The following PHC3 variants were observed in gnomAD, a reference collection of about 807,000 sequenced individuals.
PHC3 encodes polyhomeotic-like protein 3.
A neutral mutation model predicts 107.4 loss-of-function variants in PHC3; 13 were observed. The observed-to-expected ratio is 0.12, with a 90% confidence interval of 0.08 to 0.19. The LOEUF is 0.19. Ranked by LOEUF, PHC3 falls within the 10% of genes least tolerant of loss-of-function variation. The probability of loss-of-function intolerance (pLI) is 1.00; values close to 1 mark genes in which losing one functional copy is unlikely to be tolerated. For missense variants in PHC3, 992 were observed against 1,210.9 expected, an observed-to-expected ratio of 0.82 and a Z score of 2.68; for synonymous variants, 456 against 427.4, an observed-to-expected ratio of 1.07 and a Z score of -0.83.
At chr3:170,123,973 G>A (rs1210902120) in intron 8 of PHC3, among the ~76,000 whole-genome samples, 3 of 151,584 alleles carry the variant, frequency 2.0e-5, no homozygotes, top group East Asian at 2.0e-4. Flanking sequence ...CAGCCACCCC[G>A]AGTAGCTGGG....
chr3:170,171,359 T>A lies in PHC3; in HGVS notation c.414+14A>T. 1.3e-6 allele frequency: 2 copies of A among 1,556,842 alleles called. No individual in the cohort carries two copies. Among genetic ancestry groups the A allele is most frequent in the Non-Finnish European group, 1.7e-6 (2 of 1,149,442 alleles). ...AAATTTTAAATCCAGGAAAAAAAAA[T>A]TTAGGGAACTTACAGACGTTTGGGA... On this transcript the variant is annotated intron_variant, in intron 4 of 14. Transcript: ENST00000495893.
intron 6 of PHC3, among the ~76,000 whole-genome samples, chr3:170,144,341 CAAA>C (rs111991992): frequency 4.2e-5 from 5 of 119,580 alleles, no homozygotes; most frequent in African/African-American, 3.1e-5. Context: ...AACTCTGTCT[CAAA>C]AAAAAAAAAA....
At position 170,144,606 on chromosome 3, in the gene PHC3, T is replaced by A. The variant is rs562550748; in HGVS notation, c.672+817A>T. On this transcript the variant is annotated intron_variant, in intron 6 of 14. Coordinates refer to ENST00000495893, the MANE Select transcript of PHC3 (RefSeq NM_024947.4). ...CCATTTTACCCTCTCACCAGCAATG[T>A]ATGAGAGTCTGGATGCTCCACATTC... Among the ~76,000 whole-genome samples the A allele has an allele frequency of 2.6e-5, 4 of 152,350 alleles. No individual in the cohort carries two copies. In the South Asian group the frequency reaches 8.3e-4, roughly 32 times the overall value.
chr3:170,121,910 T>C lies in PHC3; in HGVS notation c.1942+681A>G, dbSNP rs546387478. ...AGAAGCCTGAAATGATAGGTTTTCATCTGGATGGTACTGAACAATTTATAA... is the reference window on the plus strand; with the variant it reads ...AGAAGCCTGAAATGATAGGTTTTCACCTGGATGGTACTGAACAATTTATAA... On this transcript the variant is annotated intron_variant, in intron 9 of 14. Transcript: ENST00000495893. Among the ~76,000 whole-genome samples, 8 of 152,302 alleles carry C rather than the reference T, an allele frequency of 5.3e-5. No homozygotes were observed. In the East Asian group the frequency reaches 1.3e-3, roughly 26 times the overall value.
chr3:170,178,427 G>A (rs991367874), intron 2 of PHC3, among the ~76,000 whole-genome samples: 13 of 152,298 alleles, frequency 8.5e-5, no homozygotes, highest in East Asian at 3.9e-4. Context: ...CACCGCGCCC[G>A]GCCGACTAAA....
At chr3:170,119,845 T>C (rs1186085733) in intron 9 of PHC3, among the ~76,000 whole-genome samples, 3 of 144,766 alleles carry the variant, frequency 2.1e-5, no homozygotes, top group African/African-American at 2.7e-5. Context: ...AAAAAAAAAA[T>C]CAACCTGTGC....
chr3:170,126,530 T>TA (rs1560059403), intron 8 of PHC3, among the ~76,000 whole-genome samples: 1,201 of 72,664 alleles, frequency 0.017, 4 homozygotes, highest in East Asian at 0.049. Context: ...ATATATATAT[T>TA]TTTTTTTTTT....
chr3:170,112,813 C>T (rs755855671), intron 11 of PHC3, among the ~76,000 whole-genome samples: 4 of 152,156 alleles, frequency 2.6e-5, no homozygotes, highest in South Asian at 2.1e-4. Context: ...CATGAGCCAT[C>T]GTGCCTGGCC....
rs1159719817 is a variant in PHC3, at chr3:170,094,592, G to C, written c.*2638C>G. The stretch of plus-strand genomic sequence containing the variant: ...CTCAGGAGAGAGGTGGATGCTCAGT[G>C]TTGTCTATATATCCATTATATATAG... On this transcript the variant is annotated 3_prime_UTR_variant, in exon 15 of 15. Coordinates refer to ENST00000495893, the MANE Select transcript of PHC3 (RefSeq NM_024947.4). 3 of 152,254 alleles carry C rather than the reference G, an allele frequency of 2.0e-5. No homozygotes were observed. The South Asian group carries it at 6.2e-4, about 32-fold the overall frequency. The allele number at this position is 152,254 out of a possible 1,614,324, so 9.4% of individuals were successfully genotyped here. A position where few individuals can be genotyped will look rare whatever the true frequency, so the allele number is the denominator to read the frequency against.
At chr3:170,113,917 TA>T (rs1718365103) in intron 10 of PHC3, among the ~76,000 whole-genome samples, 1 of 152,216 alleles carries the variant, frequency 6.6e-6, no homozygotes, top group African/African-American at 2.4e-5. Context: ...TCAGTATATT[TA>T]AGAGTTGGGT....
At chr3:170,103,287 G>A (rs1715830686) in intron 12 of PHC3, among the ~76,000 whole-genome samples, 1 of 152,168 alleles carries the variant, frequency 6.6e-6, no homozygotes, top group South Asian at 2.1e-4. Flanking sequence ...AGAAAAAGAA[G>A]TTATGTAGTA....
chr3:170,146,883 T>C lies in PHC3; in HGVS notation c.574-1362A>G, dbSNP rs1012927235. The stretch of plus-strand genomic sequence containing the variant: ...TGCCATTAATCTATTTTTTCTTTTT[T>C]TTTTTTTTTTTTTTTTGAGACAGAG... On this transcript the variant is annotated intron_variant, in intron 5 of 14. Coordinates refer to ENST00000495893, the MANE Select transcript of PHC3 (RefSeq NM_024947.4). Among the ~76,000 whole-genome samples, 31 of 143,374 alleles carry C rather than the reference T, an allele frequency of 2.2e-4. 1 individual carries two copies. Among genetic ancestry groups the C allele is most frequent in the South Asian group, 1.1e-3 (5 of 4,612 alleles). 94.1% of individuals were successfully genotyped at this position (143,374 alleles called of 152,430 possible).
intron 2 of PHC3, among the ~76,000 whole-genome samples, chr3:170,175,740 T>C (rs910659946): frequency 6.6e-6 from 1 of 151,098 alleles, no homozygotes; most frequent in Non-Finnish European, 1.5e-5. Context: ...CTGGCTAACA[T>C]GGTGAAGCCC....
Position 170,117,547 on chromosome 3 carries a change from A to G in PHC3, c.1943-71T>C, listed in dbSNP as rs1719268890. 2.1e-6 allele frequency: 3 copies of G among 1,455,010 alleles called. No individual in the cohort carries two copies. The African/African-American group carries it at 4.3e-5, about 21-fold the overall frequency. 90.1% of individuals were successfully genotyped at this position (1,455,010 alleles called of 1,614,324 possible). The stretch of plus-strand genomic sequence containing the variant: ...TGCCCAAGCAAATGAAAGAGAATTA[A>G]GGAATAAATAATAACAACAGTTAAT... On this transcript the variant is annotated intron_variant, in intron 9 of 14. Coordinates refer to ENST00000495893, the MANE Select transcript of PHC3 (RefSeq NM_024947.4).
intron 9 of PHC3, among the ~76,000 whole-genome samples, chr3:170,121,851 A>C (rs1453365252): frequency 1.3e-5 from 2 of 152,242 alleles, no homozygotes; most frequent in African/African-American, 4.8e-5. Context: ...GTGAATGAGC[A>C]TATGAAACAT....
At chr3:170,158,007 T>C (rs1454794969) in intron 4 of PHC3, among the ~76,000 whole-genome samples, 4 of 152,118 alleles carry the variant, frequency 2.6e-5, no homozygotes, top group South Asian at 4.1e-4. Flanking sequence ...AAATCATATT[T>C]ACAACCAATA....
In PHC3 at chr3:170,181,707, T is replaced by C; in HGVS notation, c.9A>G (p.Glu3=). The C allele has an allele frequency of 6.2e-7, 1 of 1,613,150 alleles. No individual in the cohort carries two copies. The highest frequency in any genetic ancestry group is 8.5e-7 in the Non-Finnish European group (1 of 1,179,800). ...GTCACCATCTAGTCACTCACTCCGC[T>C]TCCGCCATCTTCTCTCCTCCATCAC... MA[E]AEFKDHSTAM... Residue 3 remains glutamate (E), a synonymous_variant, in exon 1 of 15, where the codon GAA becomes GAG. Transcript: ENST00000495893.
intron 7 of PHC3, among the ~76,000 whole-genome samples, 153 bp from the exon 8 acceptor site, chr3:170,129,705 A>AT (rs1199747690): frequency 4.9e-4 from 73 of 148,854 alleles, no homozygotes; most frequent in East Asian, 1.6e-3. Flanking sequence ...AAAAAAAAAA[A>AT]TTTTTTTTTT....
chr3:170,163,456 T>C (rs910788306), intron 4 of PHC3, among the ~76,000 whole-genome samples: 14 of 109,540 alleles, frequency 1.3e-4, no homozygotes, highest in African/African-American at 4.8e-4. Flanking sequence ...AAATATTTAG[T>C]AAAGAGTGTG....
Sources: gnomAD v4.1 joint callset for allele counts (sites outside exome capture counted in the v4.1 genomes callset) on GRCh38, gnomAD v4.1.1 for gene constraint, MANE v1.5 for transcripts, NCBI Gene and HGNC (gene_info 2026-07-23, HGNC 2026-07-21) for gene names.